The following AMD1 variants were observed in gnomAD, a reference collection of about 807,000 sequenced individuals.
AMD1 encodes S-adenosylmethionine decarboxylase proenzyme.
A neutral mutation model predicts 40.2 loss-of-function variants in AMD1; 11 were observed. The observed-to-expected ratio is 0.27, with a 90% CI of 0.17 to 0.45. The LOEUF is 0.45. Among genes scored for constraint, AMD1 ranks in the 20% least tolerant of loss-of-function variants. AMD1 has a pLI of 1.00. For missense variants in AMD1, 257 were observed against 410.2 expected, an observed-to-expected ratio of 0.63 and a Z score of 3.23; for synonymous variants, 121 against 130.8, an observed-to-expected ratio of 0.93 and a Z score of 0.51.
At chr6:110,821,566 A>C in the AMD1 span, among the ~76,000 whole-genome samples, 1 of 152,136 alleles carries the variant, frequency 6.6e-6, no homozygotes, top group African/African-American at 2.4e-5. Context: ...GTGAGCCAAG[A>C]TCATGCCGTT....
chr6:110,846,961 T>A, the AMD1 span, among the ~76,000 whole-genome samples: 1 of 152,104 alleles, frequency 6.6e-6, no homozygotes, highest in East Asian at 1.9e-4. Context: ...CACTTTGCAA[T>A]GCACCAAGCA....
At chr6:110,833,843 G>C in the AMD1 span, among the ~76,000 whole-genome samples, 2 of 152,060 alleles carry the variant, frequency 1.3e-5, no homozygotes, top group Non-Finnish European at 2.9e-5. Context: ...GTGAGATCCT[G>C]TCTCTATGAA....
intron 1 of AMD1, among the ~76,000 whole-genome samples, chr6:110,883,711 C>T (rs951229498): frequency 6.6e-6 from 1 of 152,122 alleles, no homozygotes; most frequent in Non-Finnish European, 1.5e-5. Flanking sequence ...CCCGCCGCAG[C>T]CACCCAAGTA....
upstream of AMD1, among the ~76,000 whole-genome samples, chr6:110,870,026 C>T (rs1784886719): frequency 6.6e-6 from 1 of 152,160 alleles, no homozygotes; most frequent in Non-Finnish European, 1.5e-5. Flanking sequence ...GATGGGATTA[C>T]AGGCATTAGC....
rs1041026837 is a variant in AMD1 at position 110,895,443 on chromosome 6, GGTTTTGTTTTTGTTTT to G, written c.*1838_*1853del. On this transcript the variant is annotated 3_prime_UTR_variant, in exon 9 of 9. Transcript: ENST00000368885. ...GATTTGTTGACTTGAGGTCTGGTTTGGTTTTGTTTTTGTTTTGTTTTGTTTTGTTTTGTTTCCAATA... is the reference window on the plus strand; with the variant it reads ...GATTTGTTGACTTGAGGTCTGGTTTGGTTTTGTTTTGTTTTGTTTCCAATA... 7.1e-6 allele frequency: 1 copy of G among 139,988 alleles called. No homozygotes were observed. Among genetic ancestry groups the G allele is most frequent in the Non-Finnish European group, 1.5e-5 (1 of 65,014 alleles). The allele number at this position is 139,988 out of a possible 1,614,324, so 8.7% of individuals were successfully genotyped here.
At chr6:110,851,400 C>T in the AMD1 span, among the ~76,000 whole-genome samples, 1 of 152,066 alleles carries the variant, frequency 6.6e-6, no homozygotes, top group Admixed American at 6.6e-5. Flanking sequence ...CCATGCCAAG[C>T]CATAAGTACT....
At chr6:110,851,028 A>G in the AMD1 span, among the ~76,000 whole-genome samples, 2 of 152,044 alleles carry the variant, frequency 1.3e-5, no homozygotes, top group African/African-American at 4.8e-5. Context: ...CAGTGGTGCA[A>G]TCTTGGTTCA....
At chr6:110,893,103 T>C in intron 8 of AMD1, 38 bp downstream of exon 8, 3 of 1,532,854 alleles carry the variant, frequency 2.0e-6, no homozygotes, top group Non-Finnish European at 2.6e-6. Context: ...GTTATTTGAT[T>C]TTTAAAATCT....
At chr6:110,835,050 A>T in the AMD1 span, among the ~76,000 whole-genome samples, 2 of 139,774 alleles carry the variant, frequency 1.4e-5, no homozygotes, top group African/African-American at 5.4e-5. Context: ...ACAGAGTCTC[A>T]CTCTGTCGCC....
the AMD1 span, among the ~76,000 whole-genome samples, chr6:110,843,688 G>T: frequency 9.2e-5 from 14 of 152,192 alleles, no homozygotes. Context: ...CTGGGCTCAG[G>T]TGGATCCTTC....
At chr6:110,830,089 A>G in the AMD1 span, among the ~76,000 whole-genome samples, 5 of 151,906 alleles carry the variant, frequency 3.3e-5, no homozygotes, top group African/African-American at 1.2e-4. Flanking sequence ...ATCTCGGCTC[A>G]CTGCAACCTC....
chr6:110,837,106 GTGATACCACCACTGCACTACAGTC>G, the AMD1 span, among the ~76,000 whole-genome samples: 6 of 140,508 alleles, frequency 4.3e-5, no homozygotes, highest in Admixed American at 3.0e-4. Context: ...GCAGTGAGCT[GTGATACCACCACTGCACTACAGTC>G]TGATACCACC....
the AMD1 span, chr6:110,814,696 A>C: frequency 4.4e-5 from 25 of 566,532 alleles, no homozygotes; most frequent in Non-Finnish European, 6.4e-5. Context: ...ACTAGACCCC[A>C]CAAACTCCTC....
chr6:110,892,491 C>T (rs573832033), intron 6 of AMD1, 48 bp downstream of exon 6: 1 of 1,600,098 alleles, frequency 6.2e-7, no homozygotes, highest in Non-Finnish European at 8.5e-7. Context: ...TGCGTGGGGA[C>T]TAAATTTTAT....
chr6:110,844,404 C>T, the AMD1 span, among the ~76,000 whole-genome samples: 12 of 151,484 alleles, frequency 7.9e-5, no homozygotes, highest in African/African-American at 2.7e-4. Flanking sequence ...GTGATCCTCC[C>T]GCCTTGGCCT....
chr6:110,891,887 C>G (rs1786038557), intron 4 of AMD1: 1 of 444,520 alleles, frequency 2.2e-6, no homozygotes, highest in African/African-American at 2.0e-5. Flanking sequence ...GGATTATAGG[C>G]ATGTGCCAAC....
the AMD1 span, chr6:110,859,067 C>G: frequency 1.6e-6 from 2 of 1,271,860 alleles, no homozygotes; most frequent in African/African-American, 1.4e-5. Context: ...GCACAGTGGC[C>G]GACAGGGCTC....
At chr6:110,841,726 C>T in the AMD1 span, among the ~76,000 whole-genome samples, 1 of 147,984 alleles carries the variant, frequency 6.8e-6, no homozygotes, top group African/African-American at 2.5e-5. Context: ...CTTCCCATGC[C>T]CCCATTAAAA....
chr6:110,863,826 C>A, the AMD1 span: 1 of 369,222 alleles, frequency 2.7e-6, no homozygotes, highest in Non-Finnish European at 5.2e-6. Context: ...TCACCTGGAG[C>A]TTAAGAAGTT....
Sources: allele counts gnomAD v4.1 joint callset (sites outside exome capture counted in the v4.1 genomes callset), GRCh38; gene constraint gnomAD v4.1.1; transcripts MANE v1.5; gene names NCBI Gene and HGNC (gene_info 2026-07-23, HGNC 2026-07-21).